The following ANK2 variants were observed in gnomAD, a reference collection of about 807,000 sequenced individuals.
ANK2 encodes ankyrin-2.
ANK2 carries 83 observed loss-of-function variants against 360.5 expected under a neutral mutation model. That is an observed-to-expected ratio of 0.23 (90% CI 0.19 to 0.28). The LOEUF (loss-of-function observed/expected upper bound fraction) is 0.28. Among genes scored for constraint, ANK2 ranks in the 10% least tolerant of loss-of-function variants. ANK2 has a pLI of 1.00. For missense variants in ANK2, 4,201 were observed against 4,795.7 expected, an observed-to-expected ratio of 0.88 and a Z score of 3.66; for synonymous variants, 1,740 against 1,759.5, an observed-to-expected ratio of 0.99 and a Z score of 0.28.
chr4:113,008,694 C>A (rs565133832), intron 2 of ANK2, among the ~76,000 whole-genome samples: 1 of 152,228 alleles, frequency 6.6e-6, no homozygotes, highest in South Asian at 2.1e-4. Context: ...GGGAAATGGT[C>A]ATTTTCCATT....
intron 1 of ANK2, among the ~76,000 whole-genome samples, chr4:113,094,948 T>A (rs1463913432): frequency 6.6e-6 from 1 of 152,240 alleles, no homozygotes; most frequent in Non-Finnish European, 1.5e-5. Context: ...GTAGCATGAC[T>A]GGCCTCCAGT....
chr4:113,245,630 G>C (rs1585937783), intron 9 of ANK2, among the ~76,000 whole-genome samples: 4 of 152,078 alleles, frequency 2.6e-5, no homozygotes, highest in Non-Finnish European at 4.4e-5. Context: ...TAACCACCCC[G>C]TTATTCAATT....
intron 4 of ANK2, among the ~76,000 whole-genome samples, chr4:113,201,495 CTA>C (rs1562844950): frequency 6.6e-6 from 1 of 152,162 alleles, no homozygotes; most frequent in Non-Finnish European, 1.5e-5. Context: ...ATAGATTCAA[CTA>C]CATGACTGAA....
chr4:112,838,132 C>T (rs1030197442), intron 1 of ANK2, among the ~76,000 whole-genome samples: 1 of 152,060 alleles, frequency 6.6e-6, no homozygotes, highest in Non-Finnish European at 1.5e-5. Flanking sequence ...GGCAGTTTCC[C>T]CTGTGCTGTT....
At chr4:113,335,128 A>AT (rs899200017) in intron 29 of ANK2, among the ~76,000 whole-genome samples, 9 of 151,522 alleles carry the variant, frequency 5.9e-5, no homozygotes, top group Middle Eastern at 3.4e-3. Context: ...AACTAGTTTG[A>AT]TTTTTTTTGT....
At chr4:112,778,546 A>G in the ANK2 span, among the ~76,000 whole-genome samples, 12,393 of 152,224 alleles carry the variant, frequency 0.081, 701 homozygotes, top group Admixed American at 0.15. Context: ...ATGTGTAGCT[A>G]AGGGTTGGGG....
intron 1 of ANK2, among the ~76,000 whole-genome samples, chr4:113,101,706 T>C (rs982947912): frequency 5.9e-5 from 9 of 152,146 alleles, no homozygotes; most frequent in African/African-American, 2.2e-4. Flanking sequence ...ATTACCTATA[T>C]TACTAGAAGT....
chr4:112,967,973 G>C (rs1230334993), intron 2 of ANK2, among the ~76,000 whole-genome samples: 1 of 151,988 alleles, frequency 6.6e-6, no homozygotes. Context: ...CTTTTTTCCT[G>C]GTATTTGATA....
chr4:112,862,798 T>A (rs928284305), intron 1 of ANK2, among the ~76,000 whole-genome samples: 7 of 152,126 alleles, frequency 4.6e-5, no homozygotes, highest in African/African-American at 1.7e-4. Flanking sequence ...TGCATGCACC[T>A]GTATTCTCGG....
intron 37 of ANK2, among the ~76,000 whole-genome samples, chr4:113,351,610 A>G (rs1301131523): frequency 3.3e-5 from 5 of 151,628 alleles, no homozygotes; most frequent in African/African-American, 1.2e-4. Context: ...TTATTCTCCC[A>G]CTTTCTTCTT....
chr4:113,024,900 A>G (rs896781860), intron 2 of ANK2, among the ~76,000 whole-genome samples: 1 of 152,178 alleles, frequency 6.6e-6, no homozygotes, highest in African/African-American at 2.4e-5. Flanking sequence ...GATAAATAAA[A>G]AGAAGTCTGT....
In ANK2 at chr4:113,232,323, G is replaced by T. The variant is rs1174759956; in HGVS notation, c.483+64G>T. 5.8e-6 allele frequency: 7 copies of T among 1,214,414 alleles called. No individual in the cohort carries two copies. In the African/African-American group the frequency reaches 7.5e-5, roughly 13 times the overall value. The allele number at this position is 1,214,414 out of a possible 1,614,324, so 75.2% of individuals were successfully genotyped here. A position where few individuals can be genotyped will look rare whatever the true frequency, so the allele number is the denominator to read the frequency against. ...TTAATGTCCATATTCTTTATATCAG[G>T]CTGCAAATAGTCTCCATTACTTTGT... On this transcript the variant is annotated intron_variant, in intron 5 of 45. Coordinates refer to ENST00000357077, the MANE Select transcript of ANK2 (RefSeq NM_001148.6).
chr4:113,290,401 C>T (rs1348207861), intron 20 of ANK2, among the ~76,000 whole-genome samples: 2 of 152,026 alleles, frequency 1.3e-5, no homozygotes, highest in African/African-American at 2.4e-5. Context: ...TAAACATATA[C>T]ATTAACTTTA....
At chr4:113,166,090 A>C (rs1486016138) in intron 1 of ANK2, among the ~76,000 whole-genome samples, 1 of 152,148 alleles carries the variant, frequency 6.6e-6, no homozygotes, top group Non-Finnish European at 1.5e-5. Context: ...GAGTACAAGT[A>C]ATCAAAACCT....
intron 1 of ANK2, among the ~76,000 whole-genome samples, chr4:113,091,807 G>A (rs1181210612): frequency 2.0e-5 from 3 of 152,192 alleles, no homozygotes; most frequent in African/African-American, 7.2e-5. Flanking sequence ...TTGTTTTATA[G>A]ATTAAGTGCT....
the ANK2 span, among the ~76,000 whole-genome samples, chr4:112,761,052 C>T: frequency 1.4e-4 from 21 of 151,982 alleles, no homozygotes; most frequent in African/African-American, 5.1e-4. Flanking sequence ...CATGATCCGC[C>T]CGCCTCGGCC....
chr4:113,240,452 G>A lies in ANK2; in HGVS notation c.694-33G>A, dbSNP rs113388306. On this transcript the variant is annotated intron_variant, in intron 7 of 45. Coordinates refer to ENST00000357077, the MANE Select transcript of ANK2 (RefSeq NM_001148.6). ...TGGCTGCAACATAGAAAAGTGAAGC[G>A]CTATACTGACTGTCATATCTTTGCT... 8.2e-5 allele frequency: 124 copies of A among 1,518,430 alleles called. 2 individuals carry two copies. The African/African-American group carries it at 1.4e-3, about 17-fold the overall frequency. 94.1% of individuals were successfully genotyped at this position (1,518,430 alleles called of 1,614,324 possible).
At chr4:112,807,422 A>G in the ANK2 span, among the ~76,000 whole-genome samples, 1 of 152,242 alleles carries the variant, frequency 6.6e-6, no homozygotes, top group East Asian at 1.9e-4. Context: ...TGTAAGGAAG[A>G]ACATGGCAGA....
At chr4:112,905,853 G>T (rs1402198495) in intron 2 of ANK2, among the ~76,000 whole-genome samples, 1 of 152,044 alleles carries the variant, frequency 6.6e-6, no homozygotes, top group Non-Finnish European at 1.5e-5. Context: ...GTAGAGATGG[G>T]TTCTGACTAT....
Sources: allele counts gnomAD v4.1 joint callset (sites outside exome capture counted in the v4.1 genomes callset), GRCh38; gene constraint gnomAD v4.1.1; transcripts MANE v1.5; gene names NCBI Gene and HGNC (gene_info 2026-07-23, HGNC 2026-07-21).